The following SORBS2 variants were observed in gnomAD, a reference collection of about 807,000 sequenced individuals.
The protein encoded by SORBS2 is sorbin and SH3 domain containing 2.
A neutral mutation model predicts 97.7 loss-of-function variants in SORBS2; 46 were observed. That is an observed-to-expected ratio of 0.47 (90% confidence interval 0.37 to 0.60). The LOEUF is 0.60. SORBS2 is among the 20% of genes least tolerant of loss of function. The pLI is 0.00. For missense variants in SORBS2, 1,316 were observed against 1,282.3 expected (o/e 1.03, Z -0.40); for synonymous variants, 476 against 473.4 (o/e 1.01, Z -0.07).
At chr4:185,625,422 C>G (rs1048777700) in intron 6 of SORBS2, among the ~76,000 whole-genome samples, 1 of 152,160 alleles carries the variant, frequency 6.6e-6, no homozygotes, top group African/African-American at 2.4e-5. Flanking sequence ...GAAATAAAAT[C>G]TAATGGAGGA....
At chr4:185,876,949 A>G (rs1301130423) in intron 1 of SORBS2, among the ~76,000 whole-genome samples, 1 of 152,178 alleles carries the variant, frequency 6.6e-6, no homozygotes, top group Non-Finnish European at 1.5e-5. Flanking sequence ...AAATAACAAG[A>G]TATTCTCTTA....
At chr4:185,694,801 G>T (rs1290054198) in intron 2 of SORBS2, among the ~76,000 whole-genome samples, 2 of 146,256 alleles carry the variant, frequency 1.4e-5, no homozygotes, top group Non-Finnish European at 3.0e-5. Flanking sequence ...CCACCTCCTG[G>T]GTTCAAAGGA....
At chr4:185,691,132 C>T (rs1286905915) in intron 2 of SORBS2, among the ~76,000 whole-genome samples, 1 of 152,120 alleles carries the variant, frequency 6.6e-6, no homozygotes, top group East Asian at 1.9e-4. Flanking sequence ...GAACTCCTGA[C>T]GTCGTGATCC....
intron 1 of SORBS2, among the ~76,000 whole-genome samples, chr4:185,803,121 T>A (rs1467755495): frequency 6.6e-6 from 1 of 152,154 alleles, no homozygotes; most frequent in Non-Finnish European, 1.5e-5. Context: ...TCCTGTTCTC[T>A]CCTCCTCTCA....
intron 1 of SORBS2, among the ~76,000 whole-genome samples, chr4:185,868,358 A>G (rs576385270): frequency 7.9e-5 from 12 of 151,546 alleles, no homozygotes; most frequent in Non-Finnish European, 1.5e-4. Flanking sequence ...GGGTTTCACT[A>G]TGTTAGCCAG....
intron 1 of SORBS2, among the ~76,000 whole-genome samples, chr4:185,881,847 T>A (rs1191096240): frequency 1.3e-5 from 2 of 152,150 alleles, no homozygotes; most frequent in Admixed American, 6.5e-5. Flanking sequence ...AGAAGAAGTA[T>A]AAAATTGTTA....
At chr4:185,632,626 T>A (rs1469905390) in intron 4 of SORBS2, among the ~76,000 whole-genome samples, 1 of 152,044 alleles carries the variant, frequency 6.6e-6, no homozygotes, top group Non-Finnish European at 1.5e-5. Flanking sequence ...ACGGCTTTCG[T>A]GGGACACCCT....
chr4:185,817,170 C>A, intron 1 of SORBS2, among the ~76,000 whole-genome samples: 1 of 151,742 alleles, frequency 6.6e-6, no homozygotes. Flanking sequence ...TAATATGTGT[C>A]AGTACCAGGT....
At position 185,607,798 on chromosome 4, in the gene SORBS2, G is replaced by A. The variant is rs945055617; in HGVS notation, c.2796+3982C>T. 3.2e-4 allele frequency among the ~76,000 whole-genome samples: 48 copies of A among 152,106 alleles called. No homozygotes were observed. Among genetic ancestry groups the A allele is most frequent in the African/African-American group, 1.2e-3 (48 of 41,480 alleles). On this transcript the variant is annotated intron_variant, in intron 12 of 14. Transcript: ENST00000418609. This position sits in a 1 kb window ranked among gnomAD's most constrained non-coding sequence, Gnocchi z 5.2. ...CAACCTCTGCCTCCCAGGTTCAAAC[G>A]ATTTTCCTGCTTCATCCTCCCGAGT...
intron 2 of SORBS2, among the ~76,000 whole-genome samples, chr4:185,650,393 T>C (rs1326984163): frequency 6.6e-6 from 1 of 151,970 alleles, no homozygotes; most frequent in African/African-American, 2.4e-5. Context: ...AGGGATGGTA[T>C]AGAAAAAAAG....
At position 185,941,120 on chromosome 4, in the gene SORBS2, A is replaced by T. The variant is rs150458672; in HGVS notation, c.-338+15076T>A. On this transcript the variant is annotated intron_variant, in intron 1 of 20. Transcript: ENST00000284776. ...TATCACAGCACTTATCTGCATCATC[A>T]TAATAATAATTAACATGTATTTCAG... Among the ~76,000 whole-genome samples the T allele has an allele frequency of 2.6e-5, 4 of 152,320 alleles. No homozygotes were observed. The East Asian group carries it at 7.7e-4, about 29-fold the overall frequency.
At chr4:185,860,697 G>A (rs548359201) in intron 1 of SORBS2, among the ~76,000 whole-genome samples, 8 of 152,296 alleles carry the variant, frequency 5.3e-5, no homozygotes, top group Admixed American at 6.5e-5. Context: ...CATATAAGGT[G>A]TACTTTGGTT....
intron 5 of SORBS2, among the ~76,000 whole-genome samples, chr4:185,629,490 C>A (rs1382523087): frequency 2.0e-5 from 3 of 149,902 alleles, no homozygotes. Context: ...ATTGATGTTA[C>A]AATATGGCTG....
intron 13 of SORBS2, among the ~76,000 whole-genome samples, chr4:185,591,561 T>C (rs562912705): frequency 6.6e-6 from 1 of 152,220 alleles, no homozygotes; most frequent in African/African-American, 2.4e-5. Flanking sequence ...GGTGAAGGGG[T>C]GGTATCTTTT....
chr4:185,823,708 GA>G lies in SORBS2; in HGVS notation c.-337-48343del, dbSNP rs533300944. On this transcript the variant is annotated intron_variant, in intron 1 of 20. Coordinates refer to the SORBS2 transcript ENST00000284776. ...AAACTTCTCAATTTCCACGAGACAG[GA>G]AAAAAAGTGTTATTAGTCACACATC... Among the ~76,000 whole-genome samples, 753 of 152,078 alleles carry G rather than the reference GA, an allele frequency of 5.0e-3. 9 individuals carry two copies. Among genetic ancestry groups the G allele is most frequent in the African/African-American group, 0.017 (716 of 41,504 alleles).
intron 1 of SORBS2, among the ~76,000 whole-genome samples, chr4:185,950,242 C>T (rs2099276573): frequency 1.3e-5 from 1 of 79,544 alleles, no homozygotes; most frequent in Admixed American, 1.6e-4. Flanking sequence ...ACGAGCAAGA[C>T]TGTCTCAAAA....
intron 1 of SORBS2, among the ~76,000 whole-genome samples, chr4:185,906,492 T>A (rs2099250913): frequency 1.3e-5 from 2 of 152,212 alleles, no homozygotes; most frequent in African/African-American, 2.4e-5. Context: ...GATATTTGGG[T>A]CAAAACCAAA....
intron 1 of SORBS2, among the ~76,000 whole-genome samples, chr4:185,776,069 CTTCA>C (rs2098998431): frequency 6.6e-6 from 1 of 152,108 alleles, no homozygotes; most frequent in African/African-American, 2.4e-5. Context: ...AACTTTGAGC[CTTCA>C]TTTTGTTTCT....
chr4:185,698,645 G>A (rs551375845), intron 2 of SORBS2, among the ~76,000 whole-genome samples: 2 of 152,208 alleles, frequency 1.3e-5, no homozygotes, highest in South Asian at 2.1e-4. Context: ...ATGAGAAGAC[G>A]GTGTGGTAGA....
Sources: allele counts gnomAD v4.1 joint callset (sites outside exome capture counted in the v4.1 genomes callset), GRCh38; gene constraint gnomAD v4.1.1; non-coding constraint Gnocchi (gnomAD v3.1); transcripts MANE v1.5; gene names NCBI Gene and HGNC (gene_info 2026-07-23, HGNC 2026-07-21).